Variants in ANK3 observed in about 807,000 individuals in gnomAD.
ANK3 encodes the protein ankyrin 3, also known as ankyrin-3.
Under a neutral mutation model 370.9 loss-of-function variants are expected in ANK3, and 57 were observed. The ratio of observed to expected loss-of-function variants is 0.15; its 90% CI spans 0.12 to 0.19. The LOEUF (loss-of-function observed/expected upper bound fraction) is 0.19, where lower values mean the gene tolerates loss of function less well. Among genes scored for constraint, ANK3 ranks in the 10% least tolerant of loss-of-function variants. The probability of loss-of-function intolerance (pLI) is 1.00; values close to 1 mark genes in which losing one functional copy is unlikely to be tolerated. For missense variants in ANK3, 4,439 were observed against 5,302.1 expected (o/e 0.84, Z 5.06); for synonymous variants, 1,929 against 1,946.3 (o/e 0.99, Z 0.23).
In ANK3 at chr10:60,316,059, C is replaced by A. The variant is rs545743116; in HGVS notation, c.115-36420G>T. On this transcript the variant is annotated intron_variant, in intron 1 of 43. Transcript: ENST00000280772. ...CAGAGACTCAGGGCTCCCTCAACAT[C>A]AAAAACCTGCCAAAATCAAGGTTCC... Among the ~76,000 whole-genome samples, 10 of 152,194 alleles carry A rather than the reference C, an allele frequency of 6.6e-5. No homozygotes were observed. In the East Asian group the frequency reaches 1.9e-3, roughly 29 times the overall value.
intron 21 of ANK3, among the ~76,000 whole-genome samples, chr10:60,168,172 T>G (rs2095674656): frequency 6.6e-6 from 1 of 152,122 alleles, no homozygotes; most frequent in African/African-American, 2.4e-5. Flanking sequence ...ATTACAGACG[T>G]GCATGGCCAC....
chr10:60,267,857 T>C (rs901468174), intron 5 of ANK3, among the ~76,000 whole-genome samples: 1 of 152,194 alleles, frequency 6.6e-6, no homozygotes, highest in African/African-American at 2.4e-5. Flanking sequence ...ATCCAAAAAA[T>C]GAGGATGGGT....
At chr10:60,381,299 T>C (rs2061515127) in intron 1 of ANK3, among the ~76,000 whole-genome samples, 1 of 152,206 alleles carries the variant, frequency 6.6e-6, no homozygotes, top group South Asian at 2.1e-4. Flanking sequence ...ACTTCCTCTG[T>C]CTGTACATAG....
chr10:60,328,761 T>C (rs1370932665), intron 1 of ANK3, among the ~76,000 whole-genome samples: 9 of 152,088 alleles, frequency 5.9e-5, no homozygotes, highest in Admixed American at 5.9e-4. Flanking sequence ...AAAGAGGGAC[T>C]CCTCCCTAAC....
At chr10:60,579,366 AAAAT>A (rs954842650) in intron 2 of ANK3, among the ~76,000 whole-genome samples, 15 of 150,810 alleles carry the variant, frequency 9.9e-5, no homozygotes, top group Middle Eastern at 6.8e-3. Context: ...TTCTAGTTGC[AAAAT>A]AAATAAATAA....
intron 1 of ANK3, among the ~76,000 whole-genome samples, chr10:60,329,411 A>C (rs539989943): frequency 2.5e-4 from 38 of 152,314 alleles, no homozygotes; most frequent in African/African-American, 8.9e-4. Context: ...AATCTCCTTA[A>C]GCTGATAAGC....
intron 1 of ANK3, among the ~76,000 whole-genome samples, chr10:60,378,803 T>C (rs550431901): frequency 6.6e-6 from 1 of 151,990 alleles, no homozygotes; most frequent in African/African-American, 2.4e-5. Context: ...AAATATTTTA[T>C]GACTAAGTTC....
At chr10:60,714,193 T>C (rs1186664932) in intron 1 of ANK3, among the ~76,000 whole-genome samples, 2 of 152,140 alleles carry the variant, frequency 1.3e-5, no homozygotes, top group Non-Finnish European at 2.9e-5. Context: ...AAAGCTCAAA[T>C]AAGGAGAAAC....
At chr10:60,143,461 A>G (rs922023822) in intron 23 of ANK3, among the ~76,000 whole-genome samples, 1 of 152,240 alleles carries the variant, frequency 6.6e-6, no homozygotes, top group Non-Finnish European at 1.5e-5. Context: ...GTAATTTATT[A>G]ACAGATGACA....
Position 60,068,844 on chromosome 10 carries a change from G to T in ANK3, c.12037C>A (p.Arg4013Ser). 1.2e-6 allele frequency: 2 copies of T among 1,614,008 alleles called. No homozygotes were observed. Among genetic ancestry groups the T allele is most frequent in the African/African-American group, 1.3e-5 (1 of 74,988 alleles). Residue 4013 changes from arginine to serine, a missense_variant, in exon 37 of 44, where the codon CGC (arginine) becomes AGC (serine). This residue lies in a region of ANK3 where 496 missense variants were observed against 529.3 expected (regional missense o/e 0.94). Transcript: ENST00000280772. Reference protein sequence around the residue: ...ISGETLKLVDRLSEEEKKMQS... With the variant: ...ISGETLKLVDSLSEEEKKMQS... ...ATCTTTTTTTCTTCTTCAGAGAGGC[G>T]GTCCACAAGCTTTAAGGTCTCACCA... is the stretch of plus-strand genomic sequence containing the variant.
chr10:60,389,471 T>C lies in ANK3; in HGVS notation c.68A>G (p.Glu23Gly). The C allele has an allele frequency of 6.2e-7, 1 of 1,614,144 alleles. No homozygotes were observed. Among genetic ancestry groups the C allele is most frequent in the South Asian group, 1.1e-5 (1 of 91,076 alleles). The change falls in exon 1 of 44, where the codon GAG becomes GGG. Residue 23 changes from glutamate to glycine, a missense_variant. By Grantham distance (98) the Glu-to-Gly change is moderately conservative. Transcript: ENST00000280772. ...DLEINAEEEP[E>G]KKRKHRKRSR... ...CCGTTTGCGGTGTTTCCTTTTTTTCTCAGGCTCTTCTTCAGCATTGATTTC... is the reference window on the plus strand; with the variant it reads ...CCGTTTGCGGTGTTTCCTTTTTTTCCCAGGCTCTTCTTCAGCATTGATTTC...
intron 11 of ANK3, among the ~76,000 whole-genome samples, chr10:60,203,723 T>A (rs1591683908): frequency 6.6e-6 from 1 of 152,210 alleles, no homozygotes; most frequent in Non-Finnish European, 1.5e-5. Flanking sequence ...TTGCTTCAGA[T>A]CCTATGCACA....
At chr10:60,701,127 TCTTA>T (rs1159254005) in intron 1 of ANK3, among the ~76,000 whole-genome samples, 2 of 151,948 alleles carry the variant, frequency 1.3e-5, no homozygotes, top group Non-Finnish European at 2.9e-5. Flanking sequence ...GAAAAATTGC[TCTTA>T]CTTATATGAA....
At chr10:60,274,600 C>G (rs1005992652) in intron 4 of ANK3, among the ~76,000 whole-genome samples, 17 of 152,120 alleles carry the variant, frequency 1.1e-4, no homozygotes, top group Non-Finnish European at 1.8e-4. Context: ...TTGATTCTCC[C>G]TCTCCAGTCT....
At chr10:60,176,288 C>T (rs1231667173) in intron 18 of ANK3, among the ~76,000 whole-genome samples, 1 of 146,448 alleles carries the variant, frequency 6.8e-6, no homozygotes. Context: ...TCACTTGAAC[C>T]TGGGAAGCTG....
intron 2 of ANK3, among the ~76,000 whole-genome samples, chr10:60,514,824 T>G (rs1039874321): frequency 6.6e-6 from 1 of 152,148 alleles, no homozygotes; most frequent in African/African-American, 2.4e-5. Context: ...TCAACTTATC[T>G]GACTCAAAAG....
chr10:60,510,836 TA>T (rs1001751220), intron 2 of ANK3, among the ~76,000 whole-genome samples: 9 of 151,516 alleles, frequency 5.9e-5, no homozygotes, highest in African/African-American at 2.2e-4. Flanking sequence ...AATAAATAAA[TA>T]AAATAAAATA....
At chr10:60,208,788 TTAAA>T (rs1463122353) in intron 9 of ANK3, among the ~76,000 whole-genome samples, 1 of 152,186 alleles carries the variant, frequency 6.6e-6, no homozygotes, top group Admixed American at 6.5e-5. Flanking sequence ...TGATTTGACT[TTAAA>T]AAAGGTCTGA....
chr10:60,186,960 T>C, intron 16 of ANK3, 48 bp from the exon 17 acceptor site: 1 of 1,541,646 alleles, frequency 6.5e-7, no homozygotes. Flanking sequence ...AAGATAAAAA[T>C]GTGCACAGTG....
Sources: gnomAD v4.1 joint callset for allele counts (sites outside exome capture counted in the v4.1 genomes callset) on GRCh38, gnomAD v4.1.1 for gene constraint, gnomAD v4.1.1 regional missense constraint, MANE v1.5 for transcripts, NCBI Gene and HGNC (gene_info 2026-07-23, HGNC 2026-07-21) for gene names.